The following ARHGAP10 variants were observed in gnomAD, a reference collection of about 807,000 sequenced individuals.
ARHGAP10 encodes the protein rho GTPase-activating protein 10.
In ARHGAP10, 87 loss-of-function variants were observed where a neutral mutation model predicts 108.6. That is an observed-to-expected ratio of 0.80 (90% confidence interval 0.67 to 0.96). ARHGAP10 has a LOEUF of 0.96. ARHGAP10 is among the 40% of genes least tolerant of loss of function. The pLI is 0.00. For missense variants in ARHGAP10, 939 were observed against 954.5 expected (o/e 0.98, Z 0.21); for synonymous variants, 347 against 341.1 (o/e 1.02, Z -0.19).
At chr4:148,049,854 C>T (rs957664523) in intron 20 of ARHGAP10, among the ~76,000 whole-genome samples, 33 of 13,234 alleles carry the variant, frequency 2.5e-3, no homozygotes, top group Non-Finnish European at 4.5e-3. Flanking sequence ...GGGCGGGGGG[C>T]GGGGGGTGGT....
At position 147,852,419 on chromosome 4, in the gene ARHGAP10, T is replaced by C. The variant is rs114168810; in HGVS notation, c.385-5134T>C. 3.2e-3 allele frequency among the ~76,000 whole-genome samples: 486 copies of C among 152,268 alleles called. 1 individual carries two copies. The highest frequency in any genetic ancestry group is 9.8e-3 in the African/African-American group (409 of 41,538). Reference sequence around the variant, plus strand: ...CCATTCTGTGAGGATGAAGTTGAATTCTCATCTCTTTAGAGAGGCTAGAGG... The same window carrying C: ...CCATTCTGTGAGGATGAAGTTGAATCCTCATCTCTTTAGAGAGGCTAGAGG... On this transcript the variant is annotated intron_variant, in intron 4 of 22. Transcript: ENST00000336498.
At position 147,950,223 on chromosome 4, in the gene ARHGAP10, C is replaced by T. The variant is rs191566870; in HGVS notation, c.1391+3519C>T. The stretch of plus-strand genomic sequence containing the variant: ...TTCTTTTCCCCTATGTTATTTTTAG[C>T]GATGGAAAATGCAGTAATTAGGATT... On this transcript the variant is annotated intron_variant, in intron 15 of 22. Transcript: ENST00000336498. Among the ~76,000 whole-genome samples, 492 of 152,218 alleles carry T rather than the reference C, an allele frequency of 3.2e-3. 1 individual carries two copies. The highest frequency in any genetic ancestry group is 0.014 in the Middle Eastern group (4 of 294).
chr4:148,046,529 G>C (rs1391493475), intron 19 of ARHGAP10, among the ~76,000 whole-genome samples: 1 of 152,210 alleles, frequency 6.6e-6, no homozygotes, highest in Admixed American at 6.5e-5. Flanking sequence ...AAAGGAAGAG[G>C]TTGGACCCCA....
At chr4:147,956,226 T>G (rs538645054) in intron 16 of ARHGAP10, among the ~76,000 whole-genome samples, 2 of 152,292 alleles carry the variant, frequency 1.3e-5, no homozygotes, top group East Asian at 3.9e-4. Context: ...TCCTTTTATT[T>G]TCTCCTCTTG....
chr4:147,881,535 G>A (rs952113045), intron 9 of ARHGAP10, among the ~76,000 whole-genome samples: 1 of 151,850 alleles, frequency 6.6e-6, no homozygotes, highest in Non-Finnish European at 1.5e-5. Flanking sequence ...CTACTCTGGA[G>A]GCTGAGGCAG....
intron 11 of ARHGAP10, 97 bp downstream of exon 11, chr4:147,906,816 C>G (rs910271514): frequency 6.8e-6 from 10 of 1,461,970 alleles, no homozygotes; most frequent in Non-Finnish European, 9.5e-6. Flanking sequence ...AGAAAAGTTC[C>G]CTTCTATAAC....
chr4:147,965,982 G>A (rs1399849078), intron 17 of ARHGAP10, among the ~76,000 whole-genome samples: 3 of 152,204 alleles, frequency 2.0e-5, no homozygotes, highest in Admixed American at 2.0e-4. Flanking sequence ...TTTTGAAGAT[G>A]GTATCTTTGA....
intron 1 of ARHGAP10, among the ~76,000 whole-genome samples, chr4:147,762,447 A>G (rs1195555904): frequency 6.6e-6 from 1 of 152,128 alleles, no homozygotes; most frequent in Non-Finnish European, 1.5e-5. Flanking sequence ...GGTTTAACAA[A>G]AGGAAAACAA....
intron 18 of ARHGAP10, among the ~76,000 whole-genome samples, chr4:148,009,336 T>C (rs1158414321): frequency 6.6e-6 from 1 of 152,158 alleles, no homozygotes; most frequent in Non-Finnish European, 1.5e-5. Flanking sequence ...TTCACCATGT[T>C]GGCCAGTCTG....
intron 19 of ARHGAP10, among the ~76,000 whole-genome samples, chr4:148,045,707 C>A (rs1728846097): frequency 7.0e-6 from 1 of 143,452 alleles, no homozygotes; most frequent in Non-Finnish European, 1.5e-5. Context: ...CATTGCACTC[C>A]AGCCTGGGCA....
chr4:148,045,479 C>T (rs200869815), intron 19 of ARHGAP10, among the ~76,000 whole-genome samples: 12 of 152,180 alleles, frequency 7.9e-5, no homozygotes, highest in Non-Finnish European at 1.8e-4. Context: ...CAGTGGCTCA[C>T]GCCTGTAATC....
At chr4:147,861,068 G>A (rs1036475714) in intron 5 of ARHGAP10, 1 of 152,246 alleles carries the variant, frequency 6.6e-6, no homozygotes, top group African/African-American at 2.4e-5. Flanking sequence ...TGTTCTGCCT[G>A]CTCTTCCTGG....
At chr4:147,926,837 G>A (rs749778974) in intron 13 of ARHGAP10, among the ~76,000 whole-genome samples, 39 of 152,160 alleles carry the variant, frequency 2.6e-4, no homozygotes, top group Non-Finnish European at 4.7e-4. Context: ...GAAAGGTCAG[G>A]TTGGTGGAGG....
rs57534364 is a variant in ARHGAP10 at position 147,820,580 on chromosome 4, G to GTTTT, written c.155-2120_155-2117dup. Among the ~76,000 whole-genome samples the GTTTT allele has an allele frequency of 9.2e-4, 45 of 49,044 alleles. 2 individuals are homozygous for GTTTT. The highest frequency in any genetic ancestry group is 3.3e-3 in the South Asian group (3 of 896). The allele number at this position is 49,044 out of a possible 152,430, so 32.2% of individuals were successfully genotyped here. A position where few individuals can be genotyped will look rare whatever the true frequency, so the allele number is the denominator to read the frequency against. ...TTACAGGCGTGGGCTACCTCGGCCA[G>GTTTT]TTTTTTTTTTTTTTTTTTTTTTTTT... is the stretch of plus-strand genomic sequence containing the variant. On this transcript the variant is annotated intron_variant, in intron 1 of 22. Transcript: ENST00000336498.
intron 1 of ARHGAP10, among the ~76,000 whole-genome samples, chr4:147,734,040 G>A (rs888808813): frequency 2.6e-5 from 4 of 152,002 alleles, no homozygotes; most frequent in Non-Finnish European, 4.4e-5. Flanking sequence ...AGTGAGCATA[G>A]AAAGGAGGAG....
intron 18 of ARHGAP10, among the ~76,000 whole-genome samples, chr4:147,977,652 A>AC (rs565577857): frequency 6.6e-6 from 1 of 151,972 alleles, no homozygotes; most frequent in Non-Finnish European, 1.5e-5. Flanking sequence ...CAATTGTGTG[A>AC]CTTTTTTTTT....
chr4:148,016,892 A>G lies in ARHGAP10; in HGVS notation c.1717-6371A>G, dbSNP rs750844844. Among the ~76,000 whole-genome samples the G allele has an allele frequency of 2.0e-5, 3 of 151,420 alleles. No individual in the cohort carries two copies. The East Asian group carries it at 5.9e-4, about 30-fold the overall frequency. ...CATTTACTGATTTGTTATAAGGGAC[A>G]TTGCATACTTTGGGAAGCTGCAGCA... On this transcript the variant is annotated intron_variant, in intron 18 of 22. Transcript: ENST00000336498.
intron 19 of ARHGAP10, among the ~76,000 whole-genome samples, chr4:148,028,048 C>T (rs925504335): frequency 3.3e-5 from 5 of 152,142 alleles, no homozygotes; most frequent in Non-Finnish European, 5.9e-5. Context: ...TGTTCCCATT[C>T]TGTTTGTCAC....
At chr4:148,024,854 T>C (rs908270127) in intron 19 of ARHGAP10, among the ~76,000 whole-genome samples, 1 of 152,074 alleles carries the variant, frequency 6.6e-6, no homozygotes, top group African/African-American at 2.4e-5. Flanking sequence ...TGTTAATAAA[T>C]AGTGAAATAA....
Sources: gnomAD v4.1 joint callset for allele counts (sites outside exome capture counted in the v4.1 genomes callset) on GRCh38, gnomAD v4.1.1 for gene constraint, MANE v1.5 for transcripts, NCBI Gene and HGNC (gene_info 2026-07-23, HGNC 2026-07-21) for gene names.